The following CSMD2 variants were observed in gnomAD, a reference collection of about 807,000 sequenced individuals.
CSMD2 encodes CUB and sushi domain-containing protein 2.
CSMD2 carries 130 observed loss-of-function variants against 398.5 expected under a neutral mutation model. The ratio of observed to expected loss-of-function variants is 0.33; its 90% CI spans 0.28 to 0.38. The LOEUF is 0.38. CSMD2 is among the 10% of genes least tolerant of loss of function. CSMD2 has a pLI of 1.00. For missense variants in CSMD2, 3,829 were observed against 4,764.9 expected (o/e 0.80, Z 5.78); for synonymous variants, 1,828 against 1,908.5 (o/e 0.96, Z 1.10).
chr1:34,001,493 G>A (rs970071677), intron 3 of CSMD2, among the ~76,000 whole-genome samples: 2 of 152,176 alleles, frequency 1.3e-5, no homozygotes, highest in East Asian at 1.9e-4. Flanking sequence ...TTCGAGCTCC[G>A]AGGAGAACTG....
Position 33,922,503 on chromosome 1 carries a change from T to A in CSMD2, c.713-4202A>T, listed in dbSNP as rs148219150. On this transcript the variant is annotated intron_variant, in intron 4 of 70. Transcript: ENST00000373381. ...CAAAGAATTCCAGAAGAAAAGCAGG[T>A]CTTGGGGGAAAGACAATGACTCCAG... 3.4e-3 allele frequency among the ~76,000 whole-genome samples: 515 copies of A among 152,204 alleles called. 9 individuals carry two copies. The East Asian group carries it at 0.041, about 12-fold the overall frequency.
At chr1:33,773,074 G>A (rs549146694) in intron 12 of CSMD2, among the ~76,000 whole-genome samples, 2 of 152,204 alleles carry the variant, frequency 1.3e-5, no homozygotes, top group Non-Finnish European at 2.9e-5. Flanking sequence ...CAATTTTAGG[G>A]AGAAGGTGGG....
chr1:33,976,923 G>A (rs1645987303), intron 3 of CSMD2, among the ~76,000 whole-genome samples: 1 of 152,174 alleles, frequency 6.6e-6, no homozygotes, highest in Non-Finnish European at 1.5e-5. Flanking sequence ...GTGTCGTGGA[G>A]TTCAGAGCTT....
At chr1:33,571,407 A>G in intron 51 of CSMD2, 125 bp downstream of exon 51, 1 of 627,284 alleles carries the variant, frequency 1.6e-6, no homozygotes, top group Non-Finnish European at 2.3e-6. Flanking sequence ...TGAGAGTTTA[A>G]AAAGCAGTAC....
chr1:34,097,855 C>T (rs1488099999), intron 1 of CSMD2, among the ~76,000 whole-genome samples: 7 of 75,946 alleles, frequency 9.2e-5, no homozygotes, highest in African/African-American at 2.8e-4. Flanking sequence ...GTCAGTGTGG[C>T]GATTCCTCAG....
At chr1:33,610,841 A>C (rs1463317240) in intron 41 of CSMD2, among the ~76,000 whole-genome samples, 200 bp downstream of exon 41, 1 of 152,138 alleles carries the variant, frequency 6.6e-6, no homozygotes, top group Non-Finnish European at 1.5e-5. Flanking sequence ...ACTCTTGAAA[A>C]GGCTGTGGGA....
At chr1:34,134,861 T>C (rs1481902106) in intron 1 of CSMD2, among the ~76,000 whole-genome samples, 1 of 152,244 alleles carries the variant, frequency 6.6e-6, no homozygotes, top group Non-Finnish European at 1.5e-5. Context: ...AACGCAATAA[T>C]GAGCTACTTT....
chr1:33,596,471 A>G (rs905187825), intron 44 of CSMD2, among the ~76,000 whole-genome samples: 1 of 152,134 alleles, frequency 6.6e-6, no homozygotes, highest in African/African-American at 2.4e-5. Flanking sequence ...CTGTTCTCAC[A>G]CTGCTAATAA....
Position 33,846,999 on chromosome 1 carries a change from G to C in CSMD2, c.921-3C>G. ...CTGGGAGGCTGGCTCCGGTGAACCT[G>C]TGGGAACAGGAAGCAGATGGGCTCA... is the stretch of plus-strand genomic sequence containing the variant. On this transcript the variant is annotated splice_polypyrimidine_tract_variant and splice_region_variant and intron_variant, in intron 5 of 70. Transcript: ENST00000373381. 6.2e-7 allele frequency: 1 copy of C among 1,604,820 alleles called. No homozygotes were observed. The highest frequency in any genetic ancestry group is 1.1e-5 in the South Asian group (1 of 90,136).
chr1:33,658,239 G>A, intron 26 of CSMD2, 102 bp from the exon 27 acceptor site: 1 of 961,394 alleles, frequency 1.0e-6, no homozygotes, highest in Non-Finnish European at 1.6e-6. Context: ...TCCGTGCATT[G>A]CCACAACCAC....
intron 47 of CSMD2, 88 bp downstream of exon 47, chr1:33,583,554 T>G (rs1399292899): frequency 2.3e-5 from 31 of 1,332,968 alleles, no homozygotes; most frequent in Non-Finnish European, 3.3e-5. Flanking sequence ...CAAGCCCTGA[T>G]AGGAAAACTG....
chr1:33,903,661 G>A lies in CSMD2; in HGVS notation c.920+14433C>T, dbSNP rs78432858. 7.6e-3 allele frequency among the ~76,000 whole-genome samples: 1,157 copies of A among 152,192 alleles called. 16 individuals are homozygous for A. Among genetic ancestry groups the A allele is most frequent in the African/African-American group, 0.026 (1,072 of 41,508 alleles). On this transcript the variant is annotated intron_variant, in intron 5 of 70. Coordinates refer to ENST00000373381, the MANE Select transcript of CSMD2 (RefSeq NM_001281956.2). ...AAGATGCACATTAGGGGCTTGTCAC[G>A]GTTCTGCTGGCAATGGCAGGGGAGG...
chr1:33,530,197 A>G (rs1655113664), intron 64 of CSMD2, among the ~76,000 whole-genome samples: 1 of 152,212 alleles, frequency 6.6e-6, no homozygotes, highest in East Asian at 1.9e-4. Context: ...ACATCTGGTA[A>G]GAGATTAACA....
intron 3 of CSMD2, among the ~76,000 whole-genome samples, chr1:33,980,486 C>T (rs1432195704): frequency 6.6e-5 from 10 of 152,204 alleles, no homozygotes; most frequent in Non-Finnish European, 1.5e-5. Context: ...TCATATACAT[C>T]CCAAGCACTA....
At chr1:34,153,136 C>A (rs1282951064) in intron 1 of CSMD2, among the ~76,000 whole-genome samples, 2 of 152,204 alleles carry the variant, frequency 1.3e-5, no homozygotes, top group African/African-American at 4.8e-5. Context: ...TGTGACCCAG[C>A]CTCCCGAGTA....
Position 33,861,949 on chromosome 1 carries a change from T to TGTA in CSMD2, c.921-14954_921-14953insTAC, listed in dbSNP as rs34482642. On this transcript the variant is annotated intron_variant, in intron 5 of 70. Coordinates refer to ENST00000373381, the MANE Select transcript of CSMD2 (RefSeq NM_001281956.2). ...TAACTTTCCTCCATCTCTGATCTCC[T>TGTA]GAGGGCCCCATTGACCAAAGTGAGA... 3.3e-5 allele frequency among the ~76,000 whole-genome samples: 5 copies of TGTA among 151,878 alleles called. No homozygotes were observed. In the South Asian group the frequency reaches 1.0e-3, roughly 32 times the overall value.
intron 13 of CSMD2, among the ~76,000 whole-genome samples, chr1:33,770,822 C>T (rs1377965046): frequency 6.6e-6 from 1 of 152,208 alleles, no homozygotes; most frequent in Non-Finnish European, 1.5e-5. Context: ...TGTTTGCAAG[C>T]AGTGCCCAGC....
At chr1:33,784,349 A>T (rs1653234217) in intron 12 of CSMD2, among the ~76,000 whole-genome samples, 1 of 151,786 alleles carries the variant, frequency 6.6e-6, no homozygotes, top group Non-Finnish European at 1.5e-5. Flanking sequence ...GGTGCCGGGG[A>T]CTCAACCCAC....
At chr1:33,986,137 A>G (rs966484950) in intron 3 of CSMD2, among the ~76,000 whole-genome samples, 24 of 152,190 alleles carry the variant, frequency 1.6e-4, no homozygotes, top group African/African-American at 5.8e-4. Context: ...CTAGAATGAC[A>G]GCAGCCAGTT....
Sources: allele counts gnomAD v4.1 joint callset (sites outside exome capture counted in the v4.1 genomes callset), GRCh38; gene constraint gnomAD v4.1.1; transcripts MANE v1.5; gene names NCBI Gene and HGNC (gene_info 2026-07-23, HGNC 2026-07-21).